The following WWOX variants were observed in gnomAD, a reference collection of about 807,000 sequenced individuals.
WWOX encodes WW domain containing oxidoreductase.
In WWOX, 69 loss-of-function variants were observed where a neutral mutation model predicts 46.2. The observed-to-expected ratio is 1.49, with a 90% CI of 1.23 to 1.82. The LOEUF is 1.82. Among genes scored for constraint, WWOX ranks in the 40% most tolerant of loss-of-function variants. The pLI, the probability that WWOX is intolerant of heterozygous loss-of-function variation, is 0.00. For missense variants in WWOX, 919 were observed against 542.6 expected (o/e 1.69, Z -6.89); for synonymous variants, 359 against 202.6 (o/e 1.77, Z -6.56).
At chr16:78,525,850 A>C (rs1325856181) in intron 8 of WWOX, 4 of 149,802 alleles carry the variant, frequency 2.7e-5, no homozygotes, top group Non-Finnish European at 4.5e-5. Context: ...TGCTTTAAAA[A>C]AAAAAAAAAA....
intron 8 of WWOX, among the ~76,000 whole-genome samples, chr16:79,024,750 T>G (rs556828424): frequency 6.6e-6 from 1 of 152,036 alleles, no homozygotes; most frequent in Non-Finnish European, 1.5e-5. Flanking sequence ...TTTTAAATTT[T>G]TCATGGAGAC....
chr16:78,656,027 C>T (rs1048490736), intron 8 of WWOX, among the ~76,000 whole-genome samples: 6 of 152,228 alleles, frequency 3.9e-5, no homozygotes, highest in South Asian at 2.1e-4. Context: ...AGGGTGAATA[C>T]CAAAGGTCTG....
At chr16:78,673,783 T>G (rs1007628590) in intron 8 of WWOX, among the ~76,000 whole-genome samples, 2 of 152,220 alleles carry the variant, frequency 1.3e-5, no homozygotes, top group Non-Finnish European at 2.9e-5. Flanking sequence ...TACAACCCTT[T>G]CTTTGATGTC....
intron 8 of WWOX, among the ~76,000 whole-genome samples, chr16:78,842,247 C>G (rs4888861): frequency 0.077 from 11,648 of 151,706 alleles, 614 homozygotes; most frequent in Non-Finnish European, 0.12. Context: ...TAATCTCAGC[C>G]CTTTTAGAAG....
intron 6 of WWOX, among the ~76,000 whole-genome samples, chr16:78,409,861 C>G (rs1219565343): frequency 6.6e-6 from 1 of 152,204 alleles, no homozygotes; most frequent in African/African-American, 2.4e-5. Context: ...CCTCTAGCCA[C>G]AATCGGGAAA....
chr16:78,160,937 G>C (rs908753066), intron 4 of WWOX, among the ~76,000 whole-genome samples: 2 of 151,818 alleles, frequency 1.3e-5, no homozygotes, highest in Non-Finnish European at 2.9e-5. Context: ...GTCAATTTTT[G>C]ACATATATGA....
intron 8 of WWOX, among the ~76,000 whole-genome samples, chr16:78,545,743 G>C (rs904577095): frequency 2.0e-5 from 3 of 152,136 alleles, no homozygotes; most frequent in Non-Finnish European, 4.4e-5. Flanking sequence ...CTGGAGGCTG[G>C]AAATTCAAGA....
At chr16:78,389,442 A>C (rs2082131974) in intron 6 of WWOX, among the ~76,000 whole-genome samples, 1 of 152,162 alleles carries the variant, frequency 6.6e-6, no homozygotes, top group South Asian at 2.1e-4. Context: ...CTGACTCCTC[A>C]AACTCATCTG....
intron 8 of WWOX, among the ~76,000 whole-genome samples, chr16:79,086,621 C>T (rs2048858876): frequency 6.6e-6 from 1 of 152,162 alleles, no homozygotes; most frequent in African/African-American, 2.4e-5. Flanking sequence ...TGGCTCATGC[C>T]TGTAATTCCA....
intron 8 of WWOX, among the ~76,000 whole-genome samples, chr16:78,640,966 A>T (rs1567457048): frequency 6.6e-6 from 1 of 151,396 alleles, no homozygotes; most frequent in Non-Finnish European, 1.5e-5. Flanking sequence ...AGAAGAAAAG[A>T]AAGGAAGGAC....
At chr16:78,583,618 C>G (rs1289263149) in intron 8 of WWOX, among the ~76,000 whole-genome samples, 1 of 152,148 alleles carries the variant, frequency 6.6e-6, no homozygotes, top group Admixed American at 6.5e-5. Flanking sequence ...CTGGGATTGA[C>G]CCAGTGATAA....
chr16:79,095,669 G>GA (rs761826913), intron 8 of WWOX, among the ~76,000 whole-genome samples: 42 of 152,098 alleles, frequency 2.8e-4, no homozygotes, highest in Non-Finnish European at 2.9e-4. Flanking sequence ...TTTCAACATG[G>GA]AACCATTATT....
intron 8 of WWOX, among the ~76,000 whole-genome samples, chr16:79,117,373 A>G (rs1242804947): frequency 6.6e-6 from 1 of 152,178 alleles, no homozygotes; most frequent in Non-Finnish European, 1.5e-5. Context: ...GTGGGCATAA[A>G]TTATTCAGTA....
intron 5 of WWOX, among the ~76,000 whole-genome samples, chr16:78,243,015 C>T (rs780179229): frequency 6.6e-6 from 1 of 151,294 alleles, no homozygotes; most frequent in Non-Finnish European, 1.5e-5. Context: ...CAAAAAAAAC[C>T]AAAAACAAAA....
At chr16:78,333,154 G>C (rs923053049) in intron 5 of WWOX, among the ~76,000 whole-genome samples, 2 of 145,692 alleles carry the variant, frequency 1.4e-5, no homozygotes, top group African/African-American at 5.0e-5. Flanking sequence ...AGGTTCAGGC[G>C]ATTCTCCTGC....
intron 8 of WWOX, among the ~76,000 whole-genome samples, chr16:78,610,485 C>G (rs750394647): frequency 1.8e-4 from 27 of 152,162 alleles, no homozygotes; most frequent in Non-Finnish European, 3.2e-4. Flanking sequence ...ACCTACAATA[C>G]TCATTCCTTT....
chr16:78,918,749 A>G (rs1232312186), intron 8 of WWOX, among the ~76,000 whole-genome samples: 1 of 152,180 alleles, frequency 6.6e-6, no homozygotes, highest in Non-Finnish European at 1.5e-5. Context: ...CATTTCAGAA[A>G]TTCCAGAATT....
intron 8 of WWOX, among the ~76,000 whole-genome samples, chr16:78,863,014 A>G (rs1009283530): frequency 1.4e-5 from 2 of 143,782 alleles, no homozygotes; most frequent in Admixed American, 7.3e-5. Context: ...GGTGGAGTGC[A>G]GTGGTGCAAC....
chr16:78,191,239 G>A (rs999861678), intron 5 of WWOX, among the ~76,000 whole-genome samples: 1 of 152,134 alleles, frequency 6.6e-6, no homozygotes, highest in African/African-American at 2.4e-5. Flanking sequence ...TCCTCTTGGG[G>A]CCCACAGCTC....
Sources: allele counts gnomAD v4.1 joint callset (sites outside exome capture counted in the v4.1 genomes callset), GRCh38; gene constraint gnomAD v4.1.1; transcripts MANE v1.5; gene names NCBI Gene and HGNC (gene_info 2026-07-23, HGNC 2026-07-21).